Variants in ARSG observed in about 807,000 individuals in gnomAD.
The protein encoded by ARSG is ASG.
ARSG carries 37 observed loss-of-function variants against 50.5 expected under a neutral mutation model. That is an observed-to-expected ratio of 0.73 (90% CI 0.56 to 0.96). The LOEUF (loss-of-function observed/expected upper bound fraction) is 0.96, where lower values mean the gene tolerates loss of function less well. Ranked by LOEUF, ARSG falls within the 50% of genes least tolerant of loss-of-function variation. ARSG has a pLI of 0.00. For missense variants in ARSG, 629 were observed against 675.3 expected (o/e 0.93, Z 0.76); for synonymous variants, 225 against 254.6 (o/e 0.88, Z 1.11).
At chr17:68,390,276 C>T (rs57451312) in intron 9 of ARSG, among the ~76,000 whole-genome samples, 25,087 of 152,098 alleles carry the variant, frequency 0.16, 4,052 homozygotes, top group African/African-American at 0.4. Context: ...CACCACTGCC[C>T]CATCTCCACT....
downstream of ARSG, chr17:68,427,652 C>A: frequency 5.9e-6 from 1 of 168,080 alleles, no homozygotes; most frequent in South Asian, 1.4e-4. Flanking sequence ...GCTGCTGGGC[C>A]AGGATGAGCT....
rs930092709 is a variant in ARSG at position 68,378,401 on chromosome 17, G to A, written c.983-6663G>A. On this transcript the variant is annotated intron_variant, in intron 8 of 11. Coordinates refer to ENST00000621439, the MANE Select transcript of ARSG (RefSeq NM_001267727.2). The surrounding 1 kb of genome is among the most constrained non-coding windows in gnomAD (Gnocchi z 4.4). The stretch of plus-strand genomic sequence containing the variant: ...TTGTCTTCCCTTTCCTTTCCTGGCC[G>A]AGCCGCCCAGCTCAGCTGATGGGAT... Among the ~76,000 whole-genome samples, 5 of 152,272 alleles carry A rather than the reference G, an allele frequency of 3.3e-5. No individual in the cohort carries two copies. In the East Asian group the frequency reaches 5.8e-4, roughly 18 times the overall value.
downstream of ARSG, chr17:68,424,625 T>C (rs3785605): frequency 0.78 from 328,795 of 422,642 alleles, 128,766 homozygotes; most frequent in African/African-American, 0.91. Context: ...CCTGTAATCC[T>C]AGCACTTTGG....
At position 68,356,824 on chromosome 17, in the gene ARSG, C is replaced by T. The variant is rs1568515316; in HGVS notation, c.704+20C>T. On this transcript the variant is annotated intron_variant, in intron 6 of 11. Coordinates refer to ENST00000621439, the MANE Select transcript of ARSG (RefSeq NM_001267727.2). The stretch of plus-strand genomic sequence containing the variant: ...TGCAAGGTGAGGAGTCTCCCTCCCT[C>T]CGCAGGGCCTCCCCCTGCCTCCACC... 1 of 1,614,004 alleles carries T rather than the reference C, an allele frequency of 6.2e-7. No homozygotes were observed. The highest frequency in any genetic ancestry group is 2.2e-5 in the East Asian group (1 of 44,874).
At chr17:68,406,924 T>C (rs2081750455) in intron 11 of ARSG, among the ~76,000 whole-genome samples, 1 of 152,238 alleles carries the variant, frequency 6.6e-6, no homozygotes, top group Non-Finnish European at 1.5e-5. Flanking sequence ...TTTTGGGTTC[T>C]TGTTCATGAA....
At chr17:68,333,834 A>G (rs1298140307) in intron 2 of ARSG, among the ~76,000 whole-genome samples, 1 of 152,094 alleles carries the variant, frequency 6.6e-6, no homozygotes, top group Non-Finnish European at 1.5e-5. Flanking sequence ...TTGGACATCA[A>G]AGGGTAGCAG....
chr17:68,277,374 C>T (rs146112372), intron 1 of ARSG, among the ~76,000 whole-genome samples: 7 of 152,068 alleles, frequency 4.6e-5, no homozygotes, highest in African/African-American at 1.4e-4. Context: ...TCGTGATCCA[C>T]CTGCCTCGGC....
intron 2 of ARSG, among the ~76,000 whole-genome samples, chr17:68,336,927 C>A (rs1415218266): frequency 1.3e-5 from 2 of 151,918 alleles, no homozygotes; most frequent in African/African-American, 4.8e-5. Flanking sequence ...GGAGGGTGAC[C>A]TGAGGTGACA....
rs547744482 is a variant in ARSG at position 68,348,838 on chromosome 17, C to T, written c.454+1666C>T. On this transcript the variant is annotated intron_variant, in intron 4 of 11. Coordinates refer to ENST00000621439, the MANE Select transcript of ARSG (RefSeq NM_001267727.2). The stretch of plus-strand genomic sequence containing the variant: ...ACACTTACACATTCCTTCTAAGCAC[C>T]CACGCTCCTCTTGCTGCCCTGGGCT... 5.9e-5 allele frequency among the ~76,000 whole-genome samples: 9 copies of T among 152,284 alleles called. No individual in the cohort carries two copies. In the South Asian group the frequency reaches 1.0e-3, roughly 18 times the overall value.
intron 9 of ARSG, among the ~76,000 whole-genome samples, chr17:68,392,714 G>T (rs988986565): frequency 2.0e-5 from 3 of 152,120 alleles, no homozygotes; most frequent in African/African-American, 7.2e-5. Flanking sequence ...TGGCCAGGCT[G>T]GTCTCAAACT....
At chr17:68,320,533 C>A (rs984596695) in intron 2 of ARSG, among the ~76,000 whole-genome samples, 1 of 152,144 alleles carries the variant, frequency 6.6e-6, no homozygotes, top group Non-Finnish European at 1.5e-5. Context: ...TCCAGACAAC[C>A]AAAAGCCCTC....
chr17:68,263,331 C>G (rs1205612144), intron 1 of ARSG, among the ~76,000 whole-genome samples: 1 of 152,168 alleles, frequency 6.6e-6, no homozygotes, highest in Non-Finnish European at 1.5e-5. Flanking sequence ...TCACTTAGGA[C>G]ACATGCAATA....
intron 9 of ARSG, among the ~76,000 whole-genome samples, chr17:68,388,284 C>G (rs543787514): frequency 4.1e-4 from 63 of 152,288 alleles, no homozygotes; most frequent in African/African-American, 1.4e-3. Flanking sequence ...GGCTGGATCA[C>G]TCTTCGTTTT....
At chr17:68,402,973 C>T (rs940310188) in intron 11 of ARSG, among the ~76,000 whole-genome samples, 4 of 152,170 alleles carry the variant, frequency 2.6e-5, no homozygotes, top group African/African-American at 9.7e-5. Context: ...AAACCTGTGA[C>T]CTAATGCAGA....
At chr17:68,395,928 A>G (rs1034138755) in intron 10 of ARSG, among the ~76,000 whole-genome samples, 13 of 152,142 alleles carry the variant, frequency 8.5e-5, no homozygotes, top group African/African-American at 3.1e-4. Context: ...GACCCTTTGG[A>G]CAGCAGGTCC....
At chr17:68,327,789 A>G (rs1243263861) in intron 2 of ARSG, among the ~76,000 whole-genome samples, 1 of 152,206 alleles carries the variant, frequency 6.6e-6, no homozygotes. Context: ...AGGTTGAGCC[A>G]GAGCATGACG....
At chr17:68,268,433 T>C (rs1372644606) in intron 1 of ARSG, 1 of 152,318 alleles carries the variant, frequency 6.6e-6, no homozygotes, top group African/African-American at 2.4e-5. Flanking sequence ...AAGTTATATA[T>C]ATATATATAT....
At chr17:68,356,983 G>T (rs935570867) in intron 6 of ARSG, among the ~76,000 whole-genome samples, 179 bp downstream of exon 6, 1 of 152,190 alleles carries the variant, frequency 6.6e-6, no homozygotes, top group Non-Finnish European at 1.5e-5. Context: ...CTGGAAATCT[G>T]CGGTCCTGGA....
chr17:68,444,147 G>C, the ARSG span, among the ~76,000 whole-genome samples: 884 of 152,258 alleles, frequency 5.8e-3, 28 homozygotes, highest in East Asian at 0.095. Context: ...ACTCTGTACT[G>C]AACGAACCAC....
Sources: gnomAD v4.1 joint callset for allele counts (sites outside exome capture counted in the v4.1 genomes callset) on GRCh38, gnomAD v4.1.1 for gene constraint, Gnocchi (gnomAD v3.1) non-coding constraint, MANE v1.5 for transcripts, NCBI Gene and HGNC (gene_info 2026-07-23, HGNC 2026-07-21) for gene names.